SLC20A2: variants seen among roughly 807,000 people sequenced by gnomAD.
SLC20A2 encodes the protein solute carrier family 20 member 2.
Under a neutral mutation model 61.0 loss-of-function variants are expected in SLC20A2, and 30 were observed. That is an observed-to-expected ratio of 0.49 (90% confidence interval 0.37 to 0.67). The LOEUF is 0.67. Among genes scored for constraint, SLC20A2 ranks in the 30% least tolerant of loss-of-function variants. SLC20A2 has a pLI of 0.00. For synonymous variants in SLC20A2, 351 were observed against 353.3 expected (o/e 0.99, Z 0.07); for missense variants, 626 against 866.4 (o/e 0.72, Z 3.48).
intron 10 of SLC20A2, among the ~76,000 whole-genome samples, chr8:42,425,116 A>C (rs1339679390): frequency 6.6e-6 from 1 of 152,178 alleles, no homozygotes; most frequent in African/African-American, 2.4e-5. Context: ...AATCAATAAC[A>C]TCTACCTAGA....
intron 10 of SLC20A2, among the ~76,000 whole-genome samples, chr8:42,427,191 T>A (rs1803472547): frequency 6.6e-6 from 1 of 152,238 alleles, no homozygotes; most frequent in South Asian, 2.1e-4. Flanking sequence ...CCTGGCTGTG[T>A]AATCTCGGGC....
chr8:42,492,038 C>T (rs1760077044), intron 1 of SLC20A2, among the ~76,000 whole-genome samples: 1 of 152,166 alleles, frequency 6.6e-6, no homozygotes, highest in African/African-American at 2.4e-5. Flanking sequence ...TTTACCCACA[C>T]CTCTTTCTTC....
chr8:42,532,898 C>G (rs553353745), intron 1 of SLC20A2, among the ~76,000 whole-genome samples: 1 of 152,102 alleles, frequency 6.6e-6, no homozygotes, highest in Admixed American at 6.5e-5. Context: ...CAGAGGAAGG[C>G]ACACCCAAGT....
chr8:42,537,452 A>G (rs1812783668), intron 1 of SLC20A2: 1 of 151,954 alleles, frequency 6.6e-6, no homozygotes. Flanking sequence ...AGTAATACCC[A>G]CATTAAGGTA....
chr8:42,439,526 C>A lies in SLC20A2; in HGVS notation c.858G>T (p.Pro286=). 6.2e-7 allele frequency: 1 copy of A among 1,614,180 alleles called. No individual in the cohort carries two copies. The highest frequency in any genetic ancestry group is 1.7e-5 in the Admixed American group (1 of 60,028). ...GAKANDDSTI[P]LTGAAGETLG... Reference sequence around the variant, plus strand: ...GTGTCTCCCCTGCTGCTCCCGTGAGCGGGATGGTGCTGTCATCATTAGCCT... The same window carrying A: ...GTGTCTCCCCTGCTGCTCCCGTGAGAGGGATGGTGCTGTCATCATTAGCCT... The change falls in exon 7 of 11, where the codon CCG becomes CCT. Residue 286 remains proline, a synonymous_variant. Transcript: ENST00000520262.
At chr8:42,497,562 G>C (rs1399415098) in intron 1 of SLC20A2, among the ~76,000 whole-genome samples, 2 of 152,118 alleles carry the variant, frequency 1.3e-5, no homozygotes, top group African/African-American at 2.4e-5. Flanking sequence ...GATGGAAATA[G>C]ATACCAGTGG....
At chr8:42,476,760 T>C (rs971785160) in intron 1 of SLC20A2, among the ~76,000 whole-genome samples, 3 of 152,140 alleles carry the variant, frequency 2.0e-5, no homozygotes, top group Non-Finnish European at 4.4e-5. Flanking sequence ...AGCAAGCACC[T>C]GCCTGAGGAA....
intron 1 of SLC20A2, among the ~76,000 whole-genome samples, chr8:42,524,797 A>G (rs1341932430): frequency 1.3e-5 from 2 of 151,572 alleles, no homozygotes; most frequent in East Asian, 3.9e-4. Context: ...AAATAAATAA[A>G]TAAATAAATA....
chr8:42,460,813 T>C (rs765674705), intron 4 of SLC20A2, among the ~76,000 whole-genome samples: 10 of 152,180 alleles, frequency 6.6e-5, no homozygotes, highest in Admixed American at 1.3e-4. Context: ...CTCCCATCAA[T>C]GTAACACTGG....
chr8:42,419,658 C>T (rs574972801), intron 10 of SLC20A2: 164 of 939,796 alleles, frequency 1.7e-4, no homozygotes, highest in Admixed American at 5.5e-4. Context: ...CCTCTCCCAA[C>T]GTGTTTTAGG....
chr8:42,508,331 C>A (rs1810835631), intron 1 of SLC20A2, among the ~76,000 whole-genome samples: 1 of 151,704 alleles, frequency 6.6e-6, no homozygotes, highest in South Asian at 2.1e-4. Flanking sequence ...AAAAAGGGAT[C>A]TTGGAGGGAG....
At chr8:42,485,954 A>G (rs980705264) in intron 1 of SLC20A2, among the ~76,000 whole-genome samples, 4 of 152,076 alleles carry the variant, frequency 2.6e-5, no homozygotes, top group Admixed American at 2.6e-4. Context: ...CAAAAAAAAA[A>G]AAAAAAGAAA....
intron 1 of SLC20A2, among the ~76,000 whole-genome samples, chr8:42,539,813 T>A (rs984635484): frequency 2.0e-5 from 3 of 152,218 alleles, no homozygotes; most frequent in Non-Finnish European, 2.9e-5. Flanking sequence ...TGTTATATAA[T>A]AGAAACTCTG....
intron 5 of SLC20A2, among the ~76,000 whole-genome samples, chr8:42,456,701 C>T (rs931868663): frequency 6.9e-6 from 1 of 144,104 alleles, no homozygotes; most frequent in African/African-American, 2.6e-5. Context: ...CATTGCACTC[C>T]AGCCCGGGAG....
chr8:42,522,910 G>C (rs1025841999), intron 1 of SLC20A2, among the ~76,000 whole-genome samples: 18 of 39,410 alleles, frequency 4.6e-4, no homozygotes, highest in South Asian at 8.9e-4. Flanking sequence ...ATGGCGGGGT[G>C]GGGGGGGTCT....
At chr8:42,445,769 G>A in intron 5 of SLC20A2, among the ~76,000 whole-genome samples, 1 of 152,056 alleles carries the variant, frequency 6.6e-6, no homozygotes, top group Admixed American at 6.6e-5. Flanking sequence ...AAAGGAGTCA[G>A]CTGTCTTCCA....
Position 42,463,100 on chromosome 8 carries a change from T to TAA in SLC20A2, c.431-12_431-11dup. On this transcript the variant is annotated splice_polypyrimidine_tract_variant and intron_variant, in intron 3 of 10. Transcript: ENST00000520262. ...ATAAACCAAGAAGCAACTGAATAAT[T>TAA]AAAAAAAAAATCTAATGAATGTTAA... 9 of 1,435,888 alleles carry TAA rather than the reference T, an allele frequency of 6.3e-6. No homozygotes were observed. The highest frequency in any genetic ancestry group is 1.3e-5 in the South Asian group (1 of 76,958). The allele number at this position is 1,435,888 out of a possible 1,614,324, so 88.9% of individuals were successfully genotyped here. A position where few individuals can be genotyped will look rare whatever the true frequency, so the allele number is the denominator to read the frequency against.
chr8:42,499,998 G>A (rs974881013), intron 1 of SLC20A2, among the ~76,000 whole-genome samples: 22 of 152,132 alleles, frequency 1.4e-4, no homozygotes, highest in African/African-American at 5.1e-4. Flanking sequence ...TTTAAAATCA[G>A]ACAATACATA....
At chr8:42,439,971 A>G (rs971618534) in intron 6 of SLC20A2, among the ~76,000 whole-genome samples, 1 of 151,226 alleles carries the variant, frequency 6.6e-6, no homozygotes, top group African/African-American at 2.5e-5. Flanking sequence ...TGTAATTCCA[A>G]CTACTTGGGA....
Sources: gnomAD v4.1 joint callset for allele counts (sites outside exome capture counted in the v4.1 genomes callset) on GRCh38, gnomAD v4.1.1 for gene constraint, MANE v1.5 for transcripts, NCBI Gene and HGNC (gene_info 2026-07-23, HGNC 2026-07-21) for gene names.